TRPM8: variants seen among roughly 807,000 people sequenced by gnomAD.
TRPM8 encodes the protein TRPM8 cationic channel.
A neutral mutation model predicts 133.7 loss-of-function variants in TRPM8; 110 were observed. The observed-to-expected ratio is 0.82, with a 90% CI of 0.70 to 0.96. The LOEUF (loss-of-function observed/expected upper bound fraction) is 0.96, where lower values mean the gene tolerates loss of function less well. Ranked by LOEUF, TRPM8 falls within the 40% of genes least tolerant of loss-of-function variation. The pLI is 0.00. For synonymous variants in TRPM8, 535 were observed against 532.3 expected (o/e 1.01, Z -0.07); for missense variants, 1,291 against 1,379.5 (o/e 0.94, Z 1.02).
intron 24 of TRPM8, 102 bp downstream of exon 24, chr2:234,008,205 T>C (rs569292721): frequency 1.2e-5 from 14 of 1,183,102 alleles, no homozygotes; most frequent in Non-Finnish European, 1.6e-5. Flanking sequence ...AGAAGTTATA[T>C]TCAGCTTTCT....
At chr2:233,978,708 A>G (rs1477670124) in intron 17 of TRPM8, among the ~76,000 whole-genome samples, 1 of 152,220 alleles carries the variant, frequency 6.6e-6, no homozygotes, top group African/African-American at 2.4e-5. Flanking sequence ...TGCAACAAAA[A>G]TGCTGCAATA....
At position 234,006,984 on chromosome 2, in the gene TRPM8, G is replaced by A. The variant is rs201414225; in HGVS notation, c.3230+32G>A. The A allele has an allele frequency of 7.9e-5, 122 of 1,547,760 alleles. 2 individuals are homozygous for A. The South Asian group carries it at 1.3e-3, about 16-fold the overall frequency. ...CAGACATCCCTTTCTGCTTTGCAAGGCTCCCTCTGTAGACATAAGCCCATA... is the reference window on the plus strand; with the variant it reads ...CAGACATCCCTTTCTGCTTTGCAAGACTCCCTCTGTAGACATAAGCCCATA... On this transcript the variant is annotated intron_variant, in intron 23 of 25. Transcript: ENST00000324695.
intron 2 of TRPM8, among the ~76,000 whole-genome samples, chr2:233,927,908 T>TTCTTTCTTTCTTTCTTTCTC: frequency 2.6e-5 from 1 of 38,874 alleles, no homozygotes; most frequent in Non-Finnish European, 4.0e-5. Flanking sequence ...CTTTCTTTCT[T>TTCTTTCTTTCTTTCTTTCTC]TCTCTCTCTC....
intron 21 of TRPM8, among the ~76,000 whole-genome samples, chr2:233,988,885 A>G (rs1159456047): frequency 6.6e-6 from 1 of 152,198 alleles, no homozygotes; most frequent in African/African-American, 2.4e-5. Flanking sequence ...CAAGAGAGGG[A>G]GCAAAACAGA....
At position 233,955,260 on chromosome 2, in the gene TRPM8, A is replaced by G. The variant is rs139003916; in HGVS notation, c.1362+10A>G. ...TGACCGCCGATGGGAGGTAAGCACG[A>G]AGCTCTCCTGGGTTATTCCAGTGTT... On this transcript the variant is annotated intron_variant, in intron 11 of 25. Coordinates refer to ENST00000324695, the MANE Select transcript of TRPM8 (RefSeq NM_024080.5). 3.7e-6 allele frequency: 6 copies of G among 1,605,714 alleles called. No individual in the cohort carries two copies. Among genetic ancestry groups the G allele is most frequent in the Non-Finnish European group, 5.1e-6 (6 of 1,172,604 alleles).
In TRPM8 at chr2:233,927,783, TTTCTTTCTTTTCTTTCC is replaced by T. The variant is rs1559516171; in HGVS notation, c.117+1133_117+1149del. ...CTTTCTTTCTTTCTTTCTTTCTTTC[TTTCTTTCTTTTCTTTCC>T]TTCCTTCCTTCCTTCCTTCCTTCCT... On this transcript the variant is annotated intron_variant, in intron 2 of 25. Transcript: ENST00000324695. Among the ~76,000 whole-genome samples, 99 of 34,762 alleles carry T rather than the reference TTTCTTTCTTTTCTTTCC, an allele frequency of 2.8e-3. 8 individuals are homozygous for T. The highest frequency in any genetic ancestry group is 0.02 in the African/African-American group (52 of 2,656). 22.8% of individuals were successfully genotyped at this position (34,762 alleles called of 152,430 possible).
intron 22 of TRPM8, among the ~76,000 whole-genome samples, chr2:234,001,586 T>C (rs1041424569): frequency 1.3e-5 from 2 of 151,998 alleles, no homozygotes; most frequent in Non-Finnish European, 2.9e-5. Context: ...AATTGGAAAA[T>C]TGAGTGAGCA....
chr2:233,931,947 C>G (rs1239480370), intron 3 of TRPM8, among the ~76,000 whole-genome samples: 1 of 152,242 alleles, frequency 6.6e-6, no homozygotes, highest in Non-Finnish European at 1.5e-5. Context: ...GTATTTTACC[C>G]ATGGTCACAT....
At chr2:233,986,932 G>A (rs999808797) in intron 21 of TRPM8, among the ~76,000 whole-genome samples, 4 of 152,220 alleles carry the variant, frequency 2.6e-5, no homozygotes. Context: ...TTTAAACCCA[G>A]CAGATGAACG....
At chr2:233,987,604 T>A (rs1292843466) in intron 21 of TRPM8, among the ~76,000 whole-genome samples, 1 of 152,196 alleles carries the variant, frequency 6.6e-6, no homozygotes, top group Non-Finnish European at 1.5e-5. Flanking sequence ...AGAGATGTCC[T>A]TCTCCAGTCC....
At chr2:234,005,775 G>A (rs1692677038) in intron 22 of TRPM8, among the ~76,000 whole-genome samples, 1 of 152,066 alleles carries the variant, frequency 6.6e-6, no homozygotes, top group Admixed American at 6.6e-5. Flanking sequence ...GCTGGGTTTG[G>A]TGGTATGCGC....
intron 24 of TRPM8, among the ~76,000 whole-genome samples, chr2:234,008,957 G>C (rs1417787795): frequency 6.6e-6 from 1 of 152,202 alleles, no homozygotes; most frequent in African/African-American, 2.4e-5. Flanking sequence ...AGCTGTGAAG[G>C]CCCTAAGTCT....
intron 14 of TRPM8, among the ~76,000 whole-genome samples, chr2:233,966,285 C>T (rs986951526): frequency 2.0e-5 from 3 of 152,110 alleles, no homozygotes; most frequent in Non-Finnish European, 4.4e-5. Flanking sequence ...GGTTAGATCC[C>T]TTCTCAGTGG....
Position 233,981,871 on chromosome 2 carries a change from G to C in TRPM8, c.2545G>C (p.Val849Leu). ...TCTAAGATTGATCCACATTTTTACT[G>C]TAAGCAGAAACTTAGGACCCAAGAT... ...FTLRLIHIFT[V>L]SRNLGPKIIM... Residue 849 changes from valine to leucine, a missense_variant, in exon 19 of 26, where the codon GTA becomes CTA. Physicochemically the swap from Val to Leu is conservative, Grantham distance 32 (BLOSUM62 1). Coordinates refer to ENST00000324695, the MANE Select transcript of TRPM8 (RefSeq NM_024080.5). 1 of 1,613,518 alleles carries C rather than the reference G, an allele frequency of 6.2e-7. No homozygotes were observed. Among genetic ancestry groups the C allele is most frequent in the Non-Finnish European group, 8.5e-7 (1 of 1,179,900 alleles).
At chr2:233,997,723 T>C (rs1424726413) in intron 22 of TRPM8, among the ~76,000 whole-genome samples, 1 of 152,058 alleles carries the variant, frequency 6.6e-6, no homozygotes, top group Non-Finnish European at 1.5e-5. Flanking sequence ...CACACACTAA[T>C]GTCTTCAGGA....
intron 3 of TRPM8, chr2:233,933,828 G>A (rs1047107030): frequency 7.8e-5 from 13 of 167,286 alleles, no homozygotes; most frequent in African/African-American, 2.6e-4. Context: ...AGGAACATCA[G>A]GAAGTAGCCT....
chr2:233,938,951 CAGG>C (rs1459793282), intron 4 of TRPM8, 44 bp from the exon 5 acceptor site: 1 of 1,592,692 alleles, frequency 6.3e-7, no homozygotes, highest in Admixed American at 1.7e-5. Context: ...ACCCCGACCT[CAGG>C]AGAACACAGG....
At position 233,931,563 on chromosome 2, in the gene TRPM8, G is replaced by T. The variant is rs527973758; in HGVS notation, c.191+822G>T. 2.0e-4 allele frequency among the ~76,000 whole-genome samples: 30 copies of T among 152,342 alleles called. No homozygotes were observed. In the South Asian group the frequency reaches 6.0e-3, roughly 31 times the overall value. On this transcript the variant is annotated intron_variant, in intron 3 of 25. Transcript: ENST00000324695. ...ACCTTGACTTGGCTGACTCCTCACTGTGTGGCCTTGAGCCAATTATTCTCT... is the reference window on the plus strand; with the variant it reads ...ACCTTGACTTGGCTGACTCCTCACTTTGTGGCCTTGAGCCAATTATTCTCT...
Position 234,017,316 on chromosome 2 carries a change from T to C in TRPM8, c.*60T>C. ...TTTTACAGATCATATTAAGGAATGC[T>C]GATGAACAATTTTGCTATCGACTAC... On this transcript the variant is annotated 3_prime_UTR_variant, in exon 26 of 26. Transcript: ENST00000324695. 1 of 471,302 alleles carries C rather than the reference T, an allele frequency of 2.1e-6. No homozygotes were observed. The highest frequency in any genetic ancestry group is 4.4e-6 in the Non-Finnish European group (1 of 227,116). The allele number at this position is 471,302 out of a possible 1,614,324, so 29.2% of individuals were successfully genotyped here. A position where few individuals can be genotyped will look rare whatever the true frequency, so the allele number is the denominator to read the frequency against.
Sources: allele counts gnomAD v4.1 joint callset (sites outside exome capture counted in the v4.1 genomes callset), GRCh38; gene constraint gnomAD v4.1.1; transcripts MANE v1.5; gene names NCBI Gene and HGNC (gene_info 2026-07-23, HGNC 2026-07-21).